The following FHIT variants were observed in gnomAD, a reference collection of about 807,000 sequenced individuals.
FHIT encodes bis(5'-adenosyl)-triphosphatase.
In FHIT, 19 loss-of-function variants were observed where a neutral mutation model predicts 17.9. The ratio of observed to expected loss-of-function variants is 1.06; its 90% CI spans 0.74 to 1.56. The LOEUF is 1.56. FHIT is among the 40% of genes most tolerant of loss of function. The probability of loss-of-function intolerance (pLI) is 0.00; values close to 1 mark genes in which losing one functional copy is unlikely to be tolerated. For missense variants in FHIT, 248 were observed against 189.2 expected (o/e 1.31, Z -1.82); for synonymous variants, 81 against 69.7 (o/e 1.16, Z -0.81).
intron 7 of FHIT, among the ~76,000 whole-genome samples, chr3:59,987,033 TATATAAAATATATAAAA>T (rs1432109425): frequency 1.0e-4 from 11 of 107,780 alleles, no homozygotes; most frequent in Non-Finnish European, 1.8e-4. Context: ...AAATATAAAA[TATATAAAATATATAAAA>T]ATATAAAATA....
intron 5 of FHIT, among the ~76,000 whole-genome samples, chr3:60,283,679 T>C (rs1419923694): frequency 7.9e-5 from 12 of 152,104 alleles, no homozygotes; most frequent in Admixed American, 7.9e-4. Context: ...TCTTTCTTTC[T>C]AACAATCATG....
chr3:60,125,269 G>C (rs917449983), intron 5 of FHIT, among the ~76,000 whole-genome samples: 11 of 152,168 alleles, frequency 7.2e-5, no homozygotes, highest in Non-Finnish European at 1.3e-4. Context: ...CAGAGATTAG[G>C]ATATCTTTTC....
chr3:60,829,298 A>G (rs936473546), intron 3 of FHIT, among the ~76,000 whole-genome samples: 1 of 152,222 alleles, frequency 6.6e-6, no homozygotes, highest in Admixed American at 6.5e-5. Context: ...GTTTGATCAC[A>G]GAGAGATTTC....
intron 7 of FHIT, among the ~76,000 whole-genome samples, chr3:59,950,744 A>G (rs562478819): frequency 6.6e-6 from 1 of 152,310 alleles, no homozygotes; most frequent in East Asian, 1.9e-4. Flanking sequence ...CAAAGCTCCC[A>G]GGCAACAGGC....
intron 8 of FHIT, among the ~76,000 whole-genome samples, chr3:59,877,426 C>T (rs1181689997): frequency 4.6e-5 from 7 of 152,112 alleles, no homozygotes; most frequent in Non-Finnish European, 7.3e-5. Context: ...ACAACCTCTG[C>T]GACATGAAGA....
At chr3:60,526,296 T>C (rs529399950) in intron 5 of FHIT, among the ~76,000 whole-genome samples, 1 of 152,146 alleles carries the variant, frequency 6.6e-6, no homozygotes, top group African/African-American at 2.4e-5. Flanking sequence ...CTCGCCCCCG[T>C]TTGTTTCTGA....
At chr3:60,266,427 G>A (rs1274345077) in intron 5 of FHIT, among the ~76,000 whole-genome samples, 1 of 152,068 alleles carries the variant, frequency 6.6e-6, no homozygotes, top group Admixed American at 6.6e-5. Context: ...GACTGCTAAT[G>A]CATCTGGGGT....
At chr3:59,800,838 G>A (rs1379385147) in intron 8 of FHIT, among the ~76,000 whole-genome samples, 2 of 152,156 alleles carry the variant, frequency 1.3e-5, no homozygotes, top group Non-Finnish European at 2.9e-5. Context: ...GCAGGAGGGG[G>A]AGAGAAGAAA....
chr3:61,218,474 A>G (rs1392212299), intron 1 of FHIT, among the ~76,000 whole-genome samples: 1 of 152,210 alleles, frequency 6.6e-6, no homozygotes, highest in Non-Finnish European at 1.5e-5. Flanking sequence ...ACAATCCTAG[A>G]TAAGCTTGGC....
intron 3 of FHIT, among the ~76,000 whole-genome samples, chr3:60,947,453 C>T (rs1469381535): frequency 2.0e-5 from 3 of 152,218 alleles, no homozygotes; most frequent in South Asian, 2.1e-4. Context: ...TTGAAAATTC[C>T]CTGTTAAAAG....
intron 2 of FHIT, among the ~76,000 whole-genome samples, chr3:61,142,228 T>C (rs1407828994): frequency 2.0e-5 from 3 of 151,474 alleles, no homozygotes; most frequent in Admixed American, 6.6e-5. Flanking sequence ...ATAGAAAATA[T>C]CAGGTTGCTC....
intron 8 of FHIT, among the ~76,000 whole-genome samples, chr3:59,755,220 G>T (rs2106750176): frequency 6.6e-6 from 1 of 152,298 alleles, no homozygotes. Context: ...TCCATGGGAT[G>T]TCTGGCCTAC....
intron 5 of FHIT, among the ~76,000 whole-genome samples, chr3:60,156,076 G>A (rs1005806405): frequency 3.9e-5 from 6 of 152,234 alleles, no homozygotes; most frequent in Admixed American, 1.3e-4. Context: ...ATTTAGGGCC[G>A]GGTGTGGGGG....
intron 5 of FHIT, among the ~76,000 whole-genome samples, chr3:60,515,634 C>A (rs1049967905): frequency 1.3e-5 from 2 of 149,942 alleles, no homozygotes; most frequent in East Asian, 3.9e-4. Context: ...ACTTGTAGAA[C>A]ACAAAAATCA....
At chr3:61,040,725 A>G (rs1417038491) in intron 3 of FHIT, among the ~76,000 whole-genome samples, 5 of 152,182 alleles carry the variant, frequency 3.3e-5, no homozygotes, top group Non-Finnish European at 7.3e-5. Flanking sequence ...AAGCATGGGT[A>G]TATGCTAGCA....
chr3:61,177,039 T>C (rs972318500), intron 2 of FHIT, among the ~76,000 whole-genome samples: 1 of 152,106 alleles, frequency 6.6e-6, no homozygotes, highest in African/African-American at 2.4e-5. Context: ...TAGCCAGGCA[T>C]GGCGGCGGGC....
intron 4 of FHIT, among the ~76,000 whole-genome samples, chr3:60,728,407 G>A (rs1449626124): frequency 1.3e-5 from 2 of 151,936 alleles, no homozygotes; most frequent in Non-Finnish European, 2.9e-5. Flanking sequence ...CTTTCAGACA[G>A]GTCAAAACTA....
chr3:60,059,347 A>T (rs1002107928), intron 5 of FHIT, among the ~76,000 whole-genome samples: 5 of 152,168 alleles, frequency 3.3e-5, no homozygotes, highest in Non-Finnish European at 1.5e-5. Context: ...ACAACTTCTT[A>T]AACACACTCA....
chr3:61,168,851 T>G (rs2037915838), intron 2 of FHIT, among the ~76,000 whole-genome samples: 1 of 152,178 alleles, frequency 6.6e-6, no homozygotes, highest in African/African-American at 2.4e-5. Flanking sequence ...GGAAAGGTAT[T>G]TCTTTTTCTT....
Sources: gnomAD v4.1 joint callset for allele counts (sites outside exome capture counted in the v4.1 genomes callset) on GRCh38, gnomAD v4.1.1 for gene constraint, MANE v1.5 for transcripts, NCBI Gene and HGNC (gene_info 2026-07-23, HGNC 2026-07-21) for gene names.